The following CRK variants were observed in gnomAD, a reference collection of about 807,000 sequenced individuals.
The protein encoded by CRK is CRK proto-oncogene, adaptor protein, also known as adapter molecule crk.
In CRK, 4 loss-of-function variants were observed where a neutral mutation model predicts 29.8. The observed-to-expected ratio is 0.13, with a 90% CI of 0.07 to 0.31. The LOEUF (loss-of-function observed/expected upper bound fraction) is 0.31, where lower values mean the gene tolerates loss of function less well. CRK is among the 10% of genes least tolerant of loss of function. The probability of loss-of-function intolerance (pLI) is 1.00; values close to 1 mark genes in which losing one functional copy is unlikely to be tolerated. For missense variants in CRK, 274 were observed against 396.5 expected (o/e 0.69, Z 2.62); for synonymous variants, 153 against 164.9 (o/e 0.93, Z 0.55).
Position 1,437,559 on chromosome 17 carries a change from C to CT in CRK, c.242-405_242-404insA, listed in dbSNP as rs2073896299. Reference sequence around the variant, plus strand: ...GACTAGGCTGATCAGGACGTGCTCTCATACTTGATCAACGACGGGGGCTTT... The same window carrying CT: ...GACTAGGCTGATCAGGACGTGCTCTCTATACTTGATCAACGACGGGGGCTTT... On this transcript the variant is annotated intron_variant, in intron 1 of 2. Transcript: ENST00000300574. 6.6e-5 allele frequency among the ~76,000 whole-genome samples: 10 copies of CT among 152,212 alleles called. No individual in the cohort carries two copies. The South Asian group carries it at 2.1e-3, about 32-fold the overall frequency.
chr17:1,451,738 C>T (rs1447388392), intron 1 of CRK, among the ~76,000 whole-genome samples: 2 of 151,602 alleles, frequency 1.3e-5, no homozygotes, highest in African/African-American at 4.8e-5. Context: ...ACAAAAAACA[C>T]AAGGCCGAGG....
intron 2 of CRK, among the ~76,000 whole-genome samples, chr17:1,430,425 T>A (rs62089613): frequency 1.3e-5 from 2 of 149,604 alleles, no homozygotes; most frequent in Non-Finnish European, 3.0e-5. Flanking sequence ...GGCGCGATCT[T>A]GGCTCACTGC....
At chr17:1,427,378 G>C (rs185030615) in intron 2 of CRK, among the ~76,000 whole-genome samples, 186 of 151,784 alleles carry the variant, frequency 1.2e-3, no homozygotes, top group African/African-American at 4.3e-3. Context: ...CAGATCATGA[G>C]GTCAGGAGAT....
At chr17:1,440,042 G>T (rs530181848) in intron 1 of CRK, among the ~76,000 whole-genome samples, 4 of 151,930 alleles carry the variant, frequency 2.6e-5, no homozygotes, top group South Asian at 4.2e-4. Flanking sequence ...GCTCACGCCT[G>T]TAATCCCAGC....
intron 2 of CRK, among the ~76,000 whole-genome samples, chr17:1,431,895 C>T (rs2073847902): frequency 6.6e-6 from 1 of 152,180 alleles, no homozygotes; most frequent in African/African-American, 2.4e-5. Context: ...GTAGTAATAA[C>T]AGTAGTTCTA....
chr17:1,430,236 G>C (rs1045559109), intron 2 of CRK, among the ~76,000 whole-genome samples: 2 of 151,702 alleles, frequency 1.3e-5, no homozygotes, highest in Non-Finnish European at 2.9e-5. Context: ...TAGAAATGGA[G>C]TTTCAAAATG....
intron 1 of CRK, among the ~76,000 whole-genome samples, chr17:1,437,576 G>A (rs535718980): frequency 1.3e-4 from 20 of 152,096 alleles, no homozygotes; most frequent in Middle Eastern, 3.4e-3. Flanking sequence ...GATCAACGAC[G>A]GGGGCTTTCA....
chr17:1,427,896 G>A (rs1160903002), intron 2 of CRK, among the ~76,000 whole-genome samples: 2 of 151,870 alleles, frequency 1.3e-5, no homozygotes, highest in African/African-American at 2.4e-5. Context: ...GCTTCCCAAA[G>A]TGCTGGAATT....
chr17:1,421,464 T>G lies in CRK; in HGVS notation c.*2049A>C, dbSNP rs372495162. 15 of 152,382 alleles carry G rather than the reference T, an allele frequency of 9.8e-5. No individual in the cohort carries two copies. The highest frequency in any genetic ancestry group is 3.9e-4 in the Admixed American group (6 of 15,302). The allele number at this position is 152,382 out of a possible 1,614,324, so 9.4% of individuals were successfully genotyped here. The stretch of plus-strand genomic sequence containing the variant: ...ATGGAATTACATGTAGTATTACAAA[T>G]GTGTTCATTCAACACTAATGAGCAC... On this transcript the variant is annotated 3_prime_UTR_variant, in exon 3 of 3. Coordinates refer to ENST00000300574, the MANE Select transcript of CRK (RefSeq NM_016823.4).
At position 1,437,173 on chromosome 17, in the gene CRK, G is replaced by C; in HGVS notation, c.242-18C>G. On this transcript the variant is annotated intron_variant, in intron 1 of 2. Transcript: ENST00000300574. Reference sequence around the variant, plus strand: ...GCTCACCCCTGGAAAAAACAGAGCAGGCTGTTATTTAATGATGTACTACAC... The same window carrying C: ...GCTCACCCCTGGAAAAAACAGAGCACGCTGTTATTTAATGATGTACTACAC... 6.4e-7 allele frequency: 1 copy of C among 1,567,738 alleles called. No individual in the cohort carries two copies. Among genetic ancestry groups the C allele is most frequent in the Non-Finnish European group, 8.6e-7 (1 of 1,159,018 alleles).
intron 1 of CRK, among the ~76,000 whole-genome samples, chr17:1,450,709 C>T (rs1420766288): frequency 6.6e-6 from 1 of 151,806 alleles, no homozygotes; most frequent in Non-Finnish European, 1.5e-5. Context: ...CGTGGCAAAA[C>T]CCCGTCTGTA....
At chr17:1,442,774 T>G (rs1437529825) in intron 1 of CRK, among the ~76,000 whole-genome samples, 1 of 151,560 alleles carries the variant, frequency 6.6e-6, no homozygotes, top group African/African-American at 2.4e-5. Flanking sequence ...GCCTGGCTAA[T>G]TTTTGTAATT....
intron 1 of CRK, among the ~76,000 whole-genome samples, chr17:1,446,281 T>C (rs753462040): frequency 5.3e-5 from 8 of 152,134 alleles, no homozygotes; most frequent in East Asian, 1.9e-4. Context: ...CTAAAGACAG[T>C]TGGAATAACG....
intron 2 of CRK, among the ~76,000 whole-genome samples, chr17:1,432,240 G>A (rs1037871862): frequency 6.6e-6 from 1 of 152,170 alleles, no homozygotes; most frequent in Non-Finnish European, 1.5e-5. Flanking sequence ...TATAATCCCA[G>A]CACTTTGGGA....
intron 2 of CRK, among the ~76,000 whole-genome samples, chr17:1,429,107 C>T (rs1421980589): frequency 1.3e-5 from 2 of 152,198 alleles, no homozygotes; most frequent in Non-Finnish European, 2.9e-5. Context: ...CTTGGCCTCC[C>T]AAAGTGCTGG....
chr17:1,429,899 T>C (rs1379309346), intron 2 of CRK, among the ~76,000 whole-genome samples: 1 of 151,104 alleles, frequency 6.6e-6, no homozygotes, highest in Non-Finnish European at 1.5e-5. Flanking sequence ...CACCCTTGCT[T>C]GGGGAACAGA....
intron 2 of CRK, among the ~76,000 whole-genome samples, chr17:1,427,104 C>T (rs1276541889): frequency 5.4e-5 from 5 of 93,230 alleles, no homozygotes; most frequent in Non-Finnish European, 8.8e-5. Context: ...GGCTAGGCAA[C>T]AATAGCAAGA....
rs139739944 is a variant in CRK, at chr17:1,453,624, A to T, written c.241+2253T>A. On this transcript the variant is annotated intron_variant, in intron 1 of 2. Transcript: ENST00000300574. The stretch of plus-strand genomic sequence containing the variant: ...CTCATTTTTAAAAAATGGTTGTGTT[A>T]GACTGGGTGTGGTGGCTCACGCCTG... Among the ~76,000 whole-genome samples, 314 of 152,342 alleles carry T rather than the reference A, an allele frequency of 2.1e-3. 1 individual carries two copies. The highest frequency in any genetic ancestry group is 7.1e-3 in the African/African-American group (296 of 41,574).
chr17:1,441,712 C>A (rs1039373825), intron 1 of CRK, among the ~76,000 whole-genome samples: 6 of 151,354 alleles, frequency 4.0e-5, no homozygotes, highest in African/African-American at 1.5e-4. Flanking sequence ...GGCTGGTCTA[C>A]AACTCCTGAC....
Sources: allele counts gnomAD v4.1 joint callset (sites outside exome capture counted in the v4.1 genomes callset), GRCh38; gene constraint gnomAD v4.1.1; transcripts MANE v1.5; gene names NCBI Gene and HGNC (gene_info 2026-07-23, HGNC 2026-07-21).